SMARCA2: variants seen among roughly 807,000 people sequenced by gnomAD.
SMARCA2 encodes SWI/SNF-related matrix-associated actin-dependent regulator of chromatin subfamily A member 2.
In SMARCA2, 61 loss-of-function variants were observed where a neutral mutation model predicts 199.8. The observed-to-expected ratio is 0.31, with a 90% CI of 0.25 to 0.38. SMARCA2 has a LOEUF of 0.38. Ranked by LOEUF, SMARCA2 falls within the 10% of genes least tolerant of loss-of-function variation. The pLI is 1.00. For missense variants in SMARCA2, 1,344 were observed against 2,012.2 expected (o/e 0.67, Z 6.35); for synonymous variants, 935 against 732.0 (o/e 1.28, Z -4.48).
intron 13 of SMARCA2, 122 bp downstream of exon 13, chr9:2,076,451 G>C: frequency 1.5e-6 from 1 of 681,988 alleles, no homozygotes; most frequent in South Asian, 1.8e-5. Flanking sequence ...GCTTGAAACT[G>C]TGCTCCTAGA....
At chr9:2,105,515 C>T (rs1237721810) in intron 23 of SMARCA2, among the ~76,000 whole-genome samples, 1 of 152,000 alleles carries the variant, frequency 6.6e-6, no homozygotes, top group Non-Finnish European at 1.5e-5. Context: ...CGGCCTCCCA[C>T]AGTGTTGGGA....
intron 29 of SMARCA2, among the ~76,000 whole-genome samples, chr9:2,180,920 C>G (rs961471043): frequency 2.0e-5 from 3 of 152,060 alleles, no homozygotes; most frequent in African/African-American, 4.8e-5. Flanking sequence ...TCTTCTTTCA[C>G]CCAAATTGCT....
At chr9:2,054,302 G>GC (rs1452803800) in intron 5 of SMARCA2, among the ~76,000 whole-genome samples, 2 of 152,208 alleles carry the variant, frequency 1.3e-5, no homozygotes, top group Admixed American at 1.3e-4. Flanking sequence ...CTAAGAGTGA[G>GC]CAAGGACATT....
intron 9 of SMARCA2, among the ~76,000 whole-genome samples, chr9:2,064,276 A>G (rs755732526): frequency 1.1e-4 from 17 of 152,198 alleles, no homozygotes; most frequent in African/African-American, 3.6e-4. Flanking sequence ...CTAATTTGCT[A>G]TTATTCTCTT....
chr9:2,059,687 C>A (rs1043972707), intron 8 of SMARCA2, among the ~76,000 whole-genome samples: 3 of 152,214 alleles, frequency 2.0e-5, no homozygotes, highest in Non-Finnish European at 4.4e-5. Context: ...TAACCGAAAG[C>A]AATTAGAGTT....
At position 2,077,679 on chromosome 9, in the gene SMARCA2, G is replaced by C. The variant is rs1044696249; in HGVS notation, c.2087G>C (p.Arg696Thr). 7.4e-6 allele frequency: 12 copies of C among 1,613,908 alleles called. No homozygotes were observed. In the African/African-American group the frequency reaches 1.2e-4, roughly 16 times the overall value. ...DDEYSMQYSA[R>T]GSQSYYTVAH... ...GAATACAGCATGCAGTACAGTGCCA[G>C]GGGCTCCCAGTCCTACTACACCGTG... Residue 696 changes from arginine to threonine, a missense_variant, in exon 14 of 34, where the codon AGG (arginine) becomes ACG (threonine). Coordinates refer to ENST00000349721, the MANE Select transcript of SMARCA2 (RefSeq NM_003070.5).
chr9:2,084,290 A>G (rs1205195361), intron 17 of SMARCA2, 94 bp downstream of exon 17: 20 of 655,062 alleles, frequency 3.1e-5, no homozygotes, highest in South Asian at 1.0e-4. Flanking sequence ...GGATCCTTAG[A>G]TGGCTTGTCC....
chr9:2,062,605 C>T (rs1483176577), intron 9 of SMARCA2, among the ~76,000 whole-genome samples: 1 of 152,162 alleles, frequency 6.6e-6, no homozygotes, highest in Non-Finnish European at 1.5e-5. Context: ...TCTGCATGAT[C>T]TGTAAGTTGG....
rs559594366 is a variant in SMARCA2, at chr9:2,169,336, C to T, written c.4200-1083C>T. Among the ~76,000 whole-genome samples the T allele has an allele frequency of 1.9e-4, 29 of 152,166 alleles. No individual in the cohort carries two copies. The highest frequency in any genetic ancestry group is 4.6e-4 in the African/African-American group (19 of 41,428). On this transcript the variant is annotated intron_variant, in intron 28 of 33. Transcript: ENST00000349721. The surrounding 1 kb of genome is among the most constrained non-coding windows in gnomAD (Gnocchi z 6.5). ...ACTTTAGAACTCTTCACAGCGGCCC[C>T]GTTGCCTACCCGATGATGACCAGAC...
intron 27 of SMARCA2, among the ~76,000 whole-genome samples, chr9:2,129,411 C>G (rs1399056357): frequency 1.3e-5 from 2 of 152,024 alleles, no homozygotes; most frequent in African/African-American, 2.4e-5. Flanking sequence ...CAGCGAGACT[C>G]CATCTCGAAA....
intron 2 of SMARCA2, chr9:2,032,526 TC>T (rs1819115327): frequency 6.4e-6 from 1 of 156,766 alleles, no homozygotes; most frequent in African/African-American, 2.4e-5. Context: ...CATGGTTCCT[TC>T]CCTTCCAATG....
At chr9:2,155,758 T>TTTTTC (rs1825328674) in intron 27 of SMARCA2, among the ~76,000 whole-genome samples, 1 of 82,558 alleles carries the variant, frequency 1.2e-5, no homozygotes, top group African/African-American at 4.8e-5. Context: ...TTTTTTTTTT[T>TTTTTC]CAAAAGTGAT....
intron 27 of SMARCA2, among the ~76,000 whole-genome samples, chr9:2,138,881 C>T (rs1380270773): frequency 6.6e-6 from 1 of 152,174 alleles, no homozygotes; most frequent in Non-Finnish European, 1.5e-5. Flanking sequence ...CTCTTAGGAA[C>T]TGAAACTCAG....
At chr9:2,078,671 G>C (rs553875102) in intron 14 of SMARCA2, among the ~76,000 whole-genome samples, 1 of 151,956 alleles carries the variant, frequency 6.6e-6, no homozygotes, top group African/African-American at 2.4e-5. Flanking sequence ...GAGGCCAGGT[G>C]CGGTAGCTCA....
chr9:2,103,308 T>A (rs1483460194), intron 22 of SMARCA2, among the ~76,000 whole-genome samples: 1 of 152,162 alleles, frequency 6.6e-6, no homozygotes, highest in Admixed American at 6.5e-5. Flanking sequence ...TGTGGCTGTG[T>A]TCTGATAAAA....
At chr9:2,182,470 C>T (rs1007747971) in intron 31 of SMARCA2, among the ~76,000 whole-genome samples, 1 of 132,256 alleles carries the variant, frequency 7.6e-6, no homozygotes, top group Non-Finnish European at 1.6e-5. Flanking sequence ...CTTTTCAAAG[C>T]TTATAGTCTT....
intron 9 of SMARCA2, among the ~76,000 whole-genome samples, chr9:2,061,876 T>A (rs1196843802): frequency 2.0e-5 from 3 of 152,254 alleles, no homozygotes; most frequent in Non-Finnish European, 4.4e-5. Flanking sequence ...GGAGGAGGAA[T>A]AAATGATTAA....
At chr9:2,164,074 G>A (rs1045784966) in intron 28 of SMARCA2, among the ~76,000 whole-genome samples, 2 of 152,086 alleles carry the variant, frequency 1.3e-5, no homozygotes, top group African/African-American at 2.4e-5. Context: ...GCAGCATCGC[G>A]CTCTAGGTTG....
At chr9:2,026,965 T>G (rs1377826717) in intron 1 of SMARCA2, among the ~76,000 whole-genome samples, 2 of 152,228 alleles carry the variant, frequency 1.3e-5, no homozygotes, top group Admixed American at 6.5e-5. Context: ...AGAAGCCACT[T>G]GTACTGGGTT....
Sources: gnomAD v4.1 joint callset for allele counts (sites outside exome capture counted in the v4.1 genomes callset) on GRCh38, gnomAD v4.1.1 for gene constraint, Gnocchi (gnomAD v3.1) non-coding constraint, MANE v1.5 for transcripts, NCBI Gene and HGNC (gene_info 2026-07-23, HGNC 2026-07-21) for gene names.